ZMAT4: variants seen among roughly 807,000 people sequenced by gnomAD.
The protein encoded by ZMAT4 is zinc finger matrin-type protein 4.
Under a neutral mutation model 28.7 loss-of-function variants are expected in ZMAT4, and 17 were observed. The observed-to-expected ratio is 0.59, with a 90% confidence interval of 0.41 to 0.89. The LOEUF (loss-of-function observed/expected upper bound fraction) is 0.89. Ranked by LOEUF, ZMAT4 falls within the 40% of genes least tolerant of loss-of-function variation. ZMAT4 has a pLI of 0.00. For missense variants in ZMAT4, 240 were observed against 283.8 expected (o/e 0.85, Z 1.11); for synonymous variants, 117 against 109.2 (o/e 1.07, Z -0.44).
chr8:40,775,663 C>CCTTAGACCTGTGATCAGATATGCAGG (rs1212474761), intron 2 of ZMAT4, among the ~76,000 whole-genome samples: 72 of 152,302 alleles, frequency 4.7e-4, no homozygotes, highest in African/African-American at 1.7e-3. Flanking sequence ...GGTAAAGTGT[C>CCTTAGACCTGTGATCAGATATGCAGG]CTTAGACCTG....
chr8:40,688,347 T>C (rs1279347857), intron 4 of ZMAT4, among the ~76,000 whole-genome samples: 1 of 151,934 alleles, frequency 6.6e-6, no homozygotes, highest in Non-Finnish European at 1.5e-5. Flanking sequence ...TCCCAGCTGC[T>C]CGGGAGGCTG....
intron 5 of ZMAT4, among the ~76,000 whole-genome samples, chr8:40,646,803 A>C (rs944760363): frequency 6.6e-6 from 1 of 152,216 alleles, no homozygotes; most frequent in African/African-American, 2.4e-5. Flanking sequence ...CGATTAGCAA[A>C]AGATCAACAA....
At chr8:40,784,782 C>T (rs35884010) in intron 2 of ZMAT4, among the ~76,000 whole-genome samples, 1 of 152,190 alleles carries the variant, frequency 6.6e-6, no homozygotes, top group Non-Finnish European at 1.5e-5. Flanking sequence ...CAGGGATCCC[C>T]TGAGCTGCAG....
At chr8:40,753,643 C>G (rs1416967271) in intron 3 of ZMAT4, among the ~76,000 whole-genome samples, 1 of 152,102 alleles carries the variant, frequency 6.6e-6, no homozygotes, top group Non-Finnish European at 1.5e-5. Flanking sequence ...GGTAGGCAAG[C>G]AATTAATATT....
At chr8:40,584,100 C>T (rs1229681508) in intron 5 of ZMAT4, among the ~76,000 whole-genome samples, 5 of 152,278 alleles carry the variant, frequency 3.3e-5, no homozygotes, top group African/African-American at 7.2e-5. Flanking sequence ...CTTGACATTT[C>T]GCTTGGCTTA....
chr8:40,616,883 T>TA lies in ZMAT4; in HGVS notation c.578-35623dup, dbSNP rs11288576. Among the ~76,000 whole-genome samples the TA allele has an allele frequency of 4.1e-3, 448 of 110,178 alleles. 1 individual carries two copies. The highest frequency in any genetic ancestry group is 8.7e-3 in the African/African-American group (288 of 32,988). 72.3% of individuals were successfully genotyped at this position (110,178 alleles called of 152,430 possible). A position where few individuals can be genotyped will look rare whatever the true frequency, so the allele number is the denominator to read the frequency against. On this transcript the variant is annotated intron_variant, in intron 5 of 6. Coordinates refer to ENST00000297737, the MANE Select transcript of ZMAT4 (RefSeq NM_024645.3). ...CACATGTACCCTAGAAATTAAAGTATAAAAAAAAAAAAAAAAGCTTGTTAG... is the reference window on the plus strand; with the variant it reads ...CACATGTACCCTAGAAATTAAAGTATAAAAAAAAAAAAAAAAAGCTTGTTAG...
intron 3 of ZMAT4, among the ~76,000 whole-genome samples, chr8:40,720,773 A>C (rs1390780151): frequency 6.6e-6 from 1 of 151,114 alleles, no homozygotes; most frequent in Non-Finnish European, 1.5e-5. Context: ...TAATCCGCCC[A>C]CCTCAGCCTC....
At chr8:40,888,168 A>C (rs951997999) in intron 1 of ZMAT4, among the ~76,000 whole-genome samples, 2 of 152,138 alleles carry the variant, frequency 1.3e-5, no homozygotes, top group African/African-American at 4.8e-5. Flanking sequence ...GGCCGAACAG[A>C]GTGCTACTCC....
At chr8:40,857,454 A>G (rs1001645130) in intron 1 of ZMAT4, among the ~76,000 whole-genome samples, 25 of 152,298 alleles carry the variant, frequency 1.6e-4, no homozygotes, top group African/African-American at 5.5e-4. Flanking sequence ...TTAATTTTAC[A>G]TGAAGGACCA....
At chr8:40,701,803 C>G (rs917669399) in intron 3 of ZMAT4, among the ~76,000 whole-genome samples, 4 of 152,102 alleles carry the variant, frequency 2.6e-5, no homozygotes, top group African/African-American at 9.7e-5. Context: ...CAGGCATCAG[C>G]CACCACTGCC....
intron 4 of ZMAT4, among the ~76,000 whole-genome samples, chr8:40,678,026 A>T (rs561141606): frequency 2.4e-4 from 36 of 152,290 alleles, no homozygotes; most frequent in Non-Finnish European, 5.0e-4. Flanking sequence ...AAGCATCAGG[A>T]TGTTTTTAAA....
At chr8:40,716,210 T>A (rs1024728770) in intron 3 of ZMAT4, among the ~76,000 whole-genome samples, 1 of 152,138 alleles carries the variant, frequency 6.6e-6, no homozygotes, top group African/African-American at 2.4e-5. Context: ...GGTACCCGGA[T>A]TTGCAGCATC....
intron 5 of ZMAT4, among the ~76,000 whole-genome samples, chr8:40,596,868 C>G (rs1805123780): frequency 6.6e-6 from 1 of 152,172 alleles, no homozygotes; most frequent in Non-Finnish European, 1.5e-5. Context: ...AGGACGAAGG[C>G]CATAGGCACA....
At chr8:40,775,415 C>T (rs1563475983) in intron 2 of ZMAT4, among the ~76,000 whole-genome samples, 1 of 152,132 alleles carries the variant, frequency 6.6e-6, no homozygotes, top group Non-Finnish European at 1.5e-5. Flanking sequence ...ACAGAGTGCA[C>T]GGTGGAGGAA....
chr8:40,842,519 G>A (rs369031578), intron 1 of ZMAT4, among the ~76,000 whole-genome samples: 11 of 152,250 alleles, frequency 7.2e-5, no homozygotes, highest in African/African-American at 2.2e-4. Flanking sequence ...AGTCAAAGCC[G>A]ATTGCAGGCT....
chr8:40,534,395 TCTGAGAGA>T (rs1802783031), intron 6 of ZMAT4, among the ~76,000 whole-genome samples: 2 of 152,172 alleles, frequency 1.3e-5, no homozygotes, highest in African/African-American at 4.8e-5. Context: ...TTCTTTTTCA[TCTGAGAGA>T]TAAGCTGCAT....
Position 40,800,159 on chromosome 8 carries a change from T to A in ZMAT4, c.102+25416A>T, listed in dbSNP as rs183013483. On this transcript the variant is annotated intron_variant, in intron 2 of 6. Transcript: ENST00000297737. ...TTATCAAGGATAAAAAGAGGTATTA[T>A]GTAATGATAAAGGGCTAATTCTCCA... 5.9e-5 allele frequency among the ~76,000 whole-genome samples: 9 copies of A among 152,344 alleles called. No individual in the cohort carries two copies. The East Asian group carries it at 1.5e-3, about 26-fold the overall frequency.
At chr8:40,825,884 GT>G (rs1215522294) in intron 1 of ZMAT4, among the ~76,000 whole-genome samples, 1 of 152,176 alleles carries the variant, frequency 6.6e-6, no homozygotes, top group Admixed American at 6.5e-5. Flanking sequence ...GCCCAACAGA[GT>G]TGCTTTACCC....
At chr8:40,535,086 T>C (rs1170983114) in intron 6 of ZMAT4, among the ~76,000 whole-genome samples, 1 of 152,126 alleles carries the variant, frequency 6.6e-6, no homozygotes, top group African/African-American at 2.4e-5. Context: ...TTGGAATGGG[T>C]ACCTCTGCCT....
Sources: gnomAD v4.1 joint callset for allele counts (sites outside exome capture counted in the v4.1 genomes callset) on GRCh38, gnomAD v4.1.1 for gene constraint, MANE v1.5 for transcripts, NCBI Gene and HGNC (gene_info 2026-07-23, HGNC 2026-07-21) for gene names.